The following GRM8 variants were observed in gnomAD, a reference collection of about 807,000 sequenced individuals.
GRM8 encodes the protein metabotropic glutamate receptor 8.
Under a neutral mutation model 87.2 loss-of-function variants are expected in GRM8, and 47 were observed. The observed-to-expected ratio is 0.54, with a 90% CI of 0.43 to 0.69. GRM8 has a LOEUF of 0.69. GRM8 is among the 30% of genes least tolerant of loss of function. The pLI, the probability that GRM8 is intolerant of heterozygous loss-of-function variation, is 0.00. For missense variants in GRM8, 1,019 were observed against 1,139.2 expected (o/e 0.89, Z 1.52); for synonymous variants, 396 against 404.5 (o/e 0.98, Z 0.25).
intron 7 of GRM8, among the ~76,000 whole-genome samples, chr7:126,625,774 A>G (rs1309540965): frequency 6.6e-6 from 1 of 152,192 alleles, no homozygotes; most frequent in Non-Finnish European, 1.5e-5. Context: ...AAGAAAAGTA[A>G]CCACAGAGAC....
chr7:127,080,924 T>C (rs1478555957), intron 3 of GRM8: 1 of 152,232 alleles, frequency 6.6e-6, no homozygotes, highest in African/African-American at 2.4e-5. Flanking sequence ...AGTTTTGGGA[T>C]GGCTCTTTCC....
intron 7 of GRM8, among the ~76,000 whole-genome samples, chr7:126,684,954 A>T (rs1808001590): frequency 6.6e-6 from 1 of 152,170 alleles, no homozygotes; most frequent in South Asian, 2.1e-4. Flanking sequence ...CATCCAGAGC[A>T]GCTGTTGCCA....
At chr7:127,187,166 T>C (rs947533269) in intron 2 of GRM8, among the ~76,000 whole-genome samples, 1 of 152,092 alleles carries the variant, frequency 6.6e-6, no homozygotes, top group Non-Finnish European at 1.5e-5. Context: ...AATAAGAACA[T>C]AGTGTTTATT....
At chr7:126,986,709 T>C (rs1812108317) in intron 3 of GRM8, among the ~76,000 whole-genome samples, 1 of 152,170 alleles carries the variant, frequency 6.6e-6, no homozygotes, top group Admixed American at 6.5e-5. Flanking sequence ...GTTTAACCCA[T>C]TTCCCAACAC....
chr7:126,573,680 G>A (rs946823579), intron 8 of GRM8, among the ~76,000 whole-genome samples: 9 of 151,962 alleles, frequency 5.9e-5, no homozygotes, highest in African/African-American at 2.2e-4. Context: ...CGCCTCCCGG[G>A]TTCAAGTGAT....
chr7:127,165,196 A>C lies in GRM8; in HGVS notation c.511-58484T>G, dbSNP rs1017840815. On this transcript the variant is annotated intron_variant, in intron 2 of 10. Transcript: ENST00000339582. ...TATATATATATATATATATATATTCAGGTTTCAACTAGTGCTAAATGCTAT... is the reference window on the plus strand; with the variant it reads ...TATATATATATATATATATATATTCCGGTTTCAACTAGTGCTAAATGCTAT... Among the ~76,000 whole-genome samples, 42 of 116,084 alleles carry C rather than the reference A, an allele frequency of 3.6e-4. 1 individual carries two copies. Among genetic ancestry groups the C allele is most frequent in the African/African-American group, 1.2e-3 (39 of 32,110 alleles). 76.2% of individuals were successfully genotyped at this position (116,084 alleles called of 152,430 possible).
chr7:127,055,667 A>G (rs1198744336), intron 3 of GRM8, among the ~76,000 whole-genome samples: 4 of 85,544 alleles, frequency 4.7e-5, no homozygotes, highest in Non-Finnish European at 1.1e-4. Flanking sequence ...ATATTTATAT[A>G]TACACACACA....
chr7:126,803,882 A>T (rs1792371553), intron 6 of GRM8, among the ~76,000 whole-genome samples: 1 of 152,260 alleles, frequency 6.6e-6, no homozygotes, highest in South Asian at 2.1e-4. Context: ...CATGTGTTTA[A>T]AGTGCTAAGT....
intron 7 of GRM8, among the ~76,000 whole-genome samples, chr7:126,617,946 C>T (rs1222778301): frequency 6.6e-6 from 1 of 152,198 alleles, no homozygotes; most frequent in Non-Finnish European, 1.5e-5. Flanking sequence ...AATGGCCATA[C>T]TGCCCAAGGT....
chr7:126,747,157 T>G (rs1294596607), intron 7 of GRM8, among the ~76,000 whole-genome samples: 1 of 151,984 alleles, frequency 6.6e-6, no homozygotes, highest in East Asian at 1.9e-4. Context: ...CACTTCAATT[T>G]ACCTTGGAAT....
rs1797875931 is a variant in GRM8 at position 126,602,342 on chromosome 7, A to G, written c.1494+7020T>C. Among the ~76,000 whole-genome samples, 2 of 141,056 alleles carry G rather than the reference A, an allele frequency of 1.4e-5. 1 individual carries two copies. Among genetic ancestry groups the G allele is most frequent in the South Asian group, 4.9e-4 (2 of 4,058 alleles). 92.5% of individuals were successfully genotyped at this position (141,056 alleles called of 152,430 possible). The stretch of plus-strand genomic sequence containing the variant: ...GCTGTTTTGGTTACTGTAGCCTTGT[A>G]GTATAGTTTGAAGTCAGGTAGCGTG... On this transcript the variant is annotated intron_variant, in intron 8 of 10. Transcript: ENST00000339582.
At chr7:127,239,415 C>T (rs531871123) in intron 2 of GRM8, among the ~76,000 whole-genome samples, 3 of 152,238 alleles carry the variant, frequency 2.0e-5, no homozygotes, top group African/African-American at 7.2e-5. Flanking sequence ...TCTTTAACTC[C>T]ATTATCTGGG....
chr7:126,844,020 A>G (rs1796499757), intron 6 of GRM8, among the ~76,000 whole-genome samples: 1 of 152,248 alleles, frequency 6.6e-6, no homozygotes, highest in Non-Finnish European at 1.5e-5. Context: ...TGTCCTTTAT[A>G]GTACATCTAA....
chr7:126,949,403 C>T (rs190846876), intron 3 of GRM8, among the ~76,000 whole-genome samples: 75 of 152,292 alleles, frequency 4.9e-4, no homozygotes, highest in Admixed American at 1.0e-3. Flanking sequence ...ATCAGATCTA[C>T]CCTTGGAGTA....
intron 7 of GRM8, among the ~76,000 whole-genome samples, chr7:126,615,667 G>A (rs1459788894): frequency 6.6e-6 from 1 of 152,120 alleles, no homozygotes; most frequent in East Asian, 1.9e-4. Context: ...TCAAAATAAA[G>A]GGATGGAGGA....
At chr7:126,605,965 A>G (rs1798302642) in intron 8 of GRM8, among the ~76,000 whole-genome samples, 2 of 152,352 alleles carry the variant, frequency 1.3e-5, no homozygotes, top group African/African-American at 4.8e-5. Context: ...CAGGGTTCAC[A>G]TATTCACTAT....
At chr7:126,576,045 T>G (rs1795089656) in intron 8 of GRM8, among the ~76,000 whole-genome samples, 2 of 152,188 alleles carry the variant, frequency 1.3e-5, no homozygotes, top group African/African-American at 2.4e-5. Flanking sequence ...AAGCCCTTTC[T>G]AGTCTCTGAG....
rs557549671 is a variant in GRM8 at position 127,007,916 on chromosome 7, G to T, written c.727+98580C>A. 2.6e-5 allele frequency among the ~76,000 whole-genome samples: 4 copies of T among 151,926 alleles called. No individual in the cohort carries two copies. In the South Asian group the frequency reaches 8.3e-4, roughly 32 times the overall value. On this transcript the variant is annotated intron_variant, in intron 3 of 10. Transcript: ENST00000339582. ...CAGAGCATTGCCAAGCTTCTACATT[G>T]CCATAAAACACTGTATTTATACCTA... is the stretch of plus-strand genomic sequence containing the variant.
intron 8 of GRM8, among the ~76,000 whole-genome samples, chr7:126,546,389 T>C (rs1337833778): frequency 6.6e-6 from 1 of 152,098 alleles, no homozygotes; most frequent in Non-Finnish European, 1.5e-5. Flanking sequence ...CAATAATAGG[T>C]AGCCAAAATG....
Sources: allele counts gnomAD v4.1 joint callset (sites outside exome capture counted in the v4.1 genomes callset), GRCh38; gene constraint gnomAD v4.1.1; transcripts MANE v1.5; gene names NCBI Gene and HGNC (gene_info 2026-07-23, HGNC 2026-07-21).